Variants in PLAG1 observed in about 807,000 individuals in gnomAD.
PLAG1 encodes the protein zinc finger protein PLAG1.
A neutral mutation model predicts 35.5 loss-of-function variants in PLAG1; 7 were observed. That is an observed-to-expected ratio of 0.20 (90% confidence interval 0.11 to 0.37). PLAG1 has a LOEUF of 0.37. PLAG1 is among the 10% of genes least tolerant of loss of function. The pLI is 1.00. For synonymous variants in PLAG1, 229 were observed against 225.4 expected, an observed-to-expected ratio of 1.02 and a Z score of -0.14; for missense variants, 454 against 602.8, an observed-to-expected ratio of 0.75 and a Z score of 2.58.
At chr8:56,184,556 A>G (rs1811964077) in intron 1 of PLAG1, among the ~76,000 whole-genome samples, 1 of 152,186 alleles carries the variant, frequency 6.6e-6, no homozygotes, top group South Asian at 2.1e-4. Flanking sequence ...TTTGTTTATA[A>G]TAGTCAAAAC....
At chr8:56,193,025 G>C (rs763833899) in intron 1 of PLAG1, among the ~76,000 whole-genome samples, 3 of 152,178 alleles carry the variant, frequency 2.0e-5, no homozygotes, top group Non-Finnish European at 2.9e-5. Context: ...GACCTTACTG[G>C]ATTTGGATCA....
chr8:56,183,068 G>A (rs1016980445), intron 1 of PLAG1, among the ~76,000 whole-genome samples: 2 of 152,150 alleles, frequency 1.3e-5, no homozygotes, highest in Admixed American at 6.5e-5. Context: ...AAAAATATTT[G>A]CCTTTAAGAG....
In PLAG1 at chr8:56,161,844, T is replaced by C. The variant is rs554280536; in HGVS notation, c.*4399A>G. ...TATTGAAGGAGTGTTTCTGAGAAGATAAACATTCATTCTGGTTCATCTGTA... is the reference window on the plus strand; with the variant it reads ...TATTGAAGGAGTGTTTCTGAGAAGACAAACATTCATTCTGGTTCATCTGTA... On this transcript the variant is annotated 3_prime_UTR_variant, in exon 5 of 5. Coordinates refer to ENST00000316981, the MANE Select transcript of PLAG1 (RefSeq NM_002655.3). 6 of 229,782 alleles carry C rather than the reference T, an allele frequency of 2.6e-5. No homozygotes were observed. The highest frequency in any genetic ancestry group is 1.1e-4 in the African/African-American group (5 of 45,268). The allele number at this position is 229,782 out of a possible 1,614,324, so 14.2% of individuals were successfully genotyped here. A position where few individuals can be genotyped will look rare whatever the true frequency, so the allele number is the denominator to read the frequency against.
chr8:56,184,132 C>A (rs1181757282), intron 1 of PLAG1, among the ~76,000 whole-genome samples: 2 of 152,086 alleles, frequency 1.3e-5, no homozygotes, highest in Admixed American at 1.3e-4. Context: ...TAAAGAACTT[C>A]TAAAACTCAA....
At chr8:56,199,603 A>G (rs1812488602) in intron 1 of PLAG1, among the ~76,000 whole-genome samples, 2 of 152,140 alleles carry the variant, frequency 1.3e-5, no homozygotes, top group South Asian at 4.1e-4. Context: ...GGGGTGAGTG[A>G]CAATACAAGG....
intron 1 of PLAG1, among the ~76,000 whole-genome samples, chr8:56,193,040 A>C (rs75617252): frequency 0.012 from 1,844 of 152,364 alleles, 41 homozygotes; most frequent in African/African-American, 0.042. Context: ...GGATCATGGA[A>C]ATCTTTAAAA....
Position 56,167,953 on chromosome 8 carries a change from T to C in PLAG1, c.242+75A>G. Reference sequence around the variant, plus strand: ...ATTAGCTGAAAAATGTGTATACAAATACATACGTTTACAATGGCTTCAAAC... The same window carrying C: ...ATTAGCTGAAAAATGTGTATACAAACACATACGTTTACAATGGCTTCAAAC... On this transcript the variant is annotated intron_variant, in intron 4 of 4. Coordinates refer to ENST00000316981, the MANE Select transcript of PLAG1 (RefSeq NM_002655.3). This position sits in a 1 kb window ranked among gnomAD's most constrained non-coding sequence, Gnocchi z 5.9. 1 of 803,856 alleles carries C rather than the reference T, an allele frequency of 1.2e-6. No homozygotes were observed. Among genetic ancestry groups the C allele is most frequent in the East Asian group, 2.5e-5 (1 of 40,386 alleles). 49.8% of individuals were successfully genotyped at this position (803,856 alleles called of 1,614,324 possible).
chr8:56,204,532 T>C (rs1247030150), intron 1 of PLAG1, among the ~76,000 whole-genome samples: 1 of 151,912 alleles, frequency 6.6e-6, no homozygotes, highest in African/African-American at 2.4e-5. Context: ...GGGGCTAAAT[T>C]CCTTATTTGC....
At chr8:56,199,680 T>A (rs760912817) in intron 1 of PLAG1, among the ~76,000 whole-genome samples, 65 of 151,622 alleles carry the variant, frequency 4.3e-4, no homozygotes, top group Non-Finnish European at 8.1e-4. Flanking sequence ...GGGCCCAGCC[T>A]CCCCAGCTAG....
chr8:56,203,105 T>G (rs1812601465), intron 1 of PLAG1, among the ~76,000 whole-genome samples: 1 of 152,150 alleles, frequency 6.6e-6, no homozygotes, highest in Non-Finnish European at 1.5e-5. Context: ...TTTAAGTAAT[T>G]TTGACCACAT....
intron 2 of PLAG1, among the ~76,000 whole-genome samples, chr8:56,179,034 A>AG (rs10654235): frequency 2.3e-4 from 35 of 151,404 alleles, no homozygotes; most frequent in Non-Finnish European, 4.3e-4. Flanking sequence ...AAAAAAAAAA[A>AG]AAAAAAAAAA....
At chr8:56,187,598 CAG>C (rs1195001707) in intron 1 of PLAG1, among the ~76,000 whole-genome samples, 1 of 152,156 alleles carries the variant, frequency 6.6e-6, no homozygotes, top group Admixed American at 6.5e-5. Context: ...CTGTTATATT[CAG>C]AGTGTTACTC....
intron 2 of PLAG1, among the ~76,000 whole-genome samples, chr8:56,178,601 T>G (rs1387591657): frequency 6.6e-6 from 1 of 152,182 alleles, no homozygotes; most frequent in Non-Finnish European, 1.5e-5. Flanking sequence ...TGTTGATGTA[T>G]CTTGTGAAAC....
intron 1 of PLAG1, among the ~76,000 whole-genome samples, chr8:56,188,357 C>G (rs1812084288): frequency 6.6e-6 from 1 of 152,204 alleles, no homozygotes; most frequent in African/African-American, 2.4e-5. Flanking sequence ...GGAGGCTGCT[C>G]TAACAGATAG....
chr8:56,199,082 A>G (rs1362386595), intron 1 of PLAG1, among the ~76,000 whole-genome samples: 1 of 152,242 alleles, frequency 6.6e-6, no homozygotes, highest in African/African-American at 2.4e-5. Flanking sequence ...AAGGTACCGC[A>G]GGAGTGGGAA....
chr8:56,189,609 T>C lies in PLAG1; in HGVS notation c.-321-10096A>G, dbSNP rs113015956. Among the ~76,000 whole-genome samples the C allele has an allele frequency of 6.5e-3, 990 of 152,326 alleles. 15 individuals carry two copies. Among genetic ancestry groups the C allele is most frequent in the African/African-American group, 0.022 (932 of 41,556 alleles). On this transcript the variant is annotated intron_variant, in intron 1 of 4. Transcript: ENST00000316981. ...ATCCCAAAAGGATACTCATAATTTATAATTATTGATAATGCAAAACAGAAG... is the reference window on the plus strand; with the variant it reads ...ATCCCAAAAGGATACTCATAATTTACAATTATTGATAATGCAAAACAGAAG...
At chr8:56,209,147 C>A (rs920655276) in intron 1 of PLAG1, 4 of 152,190 alleles carry the variant, frequency 2.6e-5, no homozygotes, top group African/African-American at 9.7e-5. Flanking sequence ...TATGGGCATA[C>A]ACAGCTCTTT....
intron 1 of PLAG1, among the ~76,000 whole-genome samples, chr8:56,180,382 C>A (rs774759885): frequency 5.3e-5 from 8 of 152,340 alleles, no homozygotes; most frequent in Non-Finnish European, 1.0e-4. Flanking sequence ...TGGGTATAGA[C>A]TGACATGATC....
intron 1 of PLAG1, among the ~76,000 whole-genome samples, chr8:56,182,034 G>A (rs756437650): frequency 1.1e-4 from 17 of 152,192 alleles, no homozygotes; most frequent in Non-Finnish European, 1.8e-4. Flanking sequence ...TCTGGCTACC[G>A]TGAAGTGTAA....
Sources: allele counts gnomAD v4.1 joint callset (sites outside exome capture counted in the v4.1 genomes callset), GRCh38; gene constraint gnomAD v4.1.1; non-coding constraint Gnocchi (gnomAD v3.1); transcripts MANE v1.5; gene names NCBI Gene and HGNC (gene_info 2026-07-23, HGNC 2026-07-21).